CSMD1: variants seen among roughly 807,000 people sequenced by gnomAD.
The protein encoded by CSMD1 is CUB and sushi domain-containing protein 1.
A neutral mutation model predicts 417.5 loss-of-function variants in CSMD1; 213 were observed. The ratio of observed to expected loss-of-function variants is 0.51; its 90% CI spans 0.46 to 0.57. The LOEUF (loss-of-function observed/expected upper bound fraction) is 0.57, where lower values mean the gene tolerates loss of function less well. Ranked by LOEUF, CSMD1 falls within the 20% of genes least tolerant of loss-of-function variation. The pLI, the probability that CSMD1 is intolerant of heterozygous loss-of-function variation, is 0.00. For missense variants in CSMD1, 6,923 were observed against 4,529.7 expected (o/e 1.53, Z -15.17); for synonymous variants, 2,862 against 1,736.8 (o/e 1.65, Z -16.11).
In CSMD1 at chr8:3,836,945, G is replaced by A. The variant is rs1214264622; in HGVS notation, c.819-82903C>T. ...AGTTAAATCTCAATGCACTAAAGTTGGCAAAAATAAAAAGTTTTATAAAAG... is the reference window on the plus strand; with the variant it reads ...AGTTAAATCTCAATGCACTAAAGTTAGCAAAAATAAAAAGTTTTATAAAAG... On this transcript the variant is annotated intron_variant, in intron 5 of 69. Transcript: ENST00000635120. Among the ~76,000 whole-genome samples, 4 of 150,440 alleles carry A rather than the reference G, an allele frequency of 2.7e-5. No homozygotes were observed. In the East Asian group the frequency reaches 7.8e-4, roughly 29 times the overall value.
At chr8:4,274,399 C>T (rs141275143) in intron 3 of CSMD1, among the ~76,000 whole-genome samples, 74 of 152,208 alleles carry the variant, frequency 4.9e-4, no homozygotes, top group African/African-American at 1.7e-3. Flanking sequence ...ACACTATCAA[C>T]GTGCTCAAAA....
chr8:4,917,066 C>T (rs977982539), intron 1 of CSMD1, among the ~76,000 whole-genome samples: 4 of 152,062 alleles, frequency 2.6e-5, no homozygotes, highest in African/African-American at 4.8e-5. Flanking sequence ...GGCTCAGGTT[C>T]GGTAGACTAT....
intron 3 of CSMD1, among the ~76,000 whole-genome samples, chr8:4,319,105 CAAAGT>C (rs763879946): frequency 4.6e-5 from 7 of 152,000 alleles, no homozygotes; most frequent in Non-Finnish European, 8.8e-5. Flanking sequence ...CACATAGTAA[CAAAGT>C]AAGGAGGATT....
chr8:4,868,843 T>C (rs1284076750), intron 1 of CSMD1, among the ~76,000 whole-genome samples: 2 of 151,808 alleles, frequency 1.3e-5, no homozygotes, highest in African/African-American at 2.4e-5. Flanking sequence ...AAAATAGAAA[T>C]TGATAACCAA....
Position 4,730,744 on chromosome 8 carries a change from A to C in CSMD1, c.86-93186T>G, listed in dbSNP as rs74806894. 9.8e-3 allele frequency among the ~76,000 whole-genome samples: 1,438 copies of C among 147,166 alleles called. 36 individuals are homozygous for C. Among genetic ancestry groups the C allele is most frequent in the East Asian group, 0.084 (435 of 5,158 alleles). ...CGACAGAGCGAGACTCCATTTCAAA[A>C]AAACAAATAAAAAAAAAAAGAATAA... is the stretch of plus-strand genomic sequence containing the variant. On this transcript the variant is annotated intron_variant, in intron 1 of 69. Transcript: ENST00000635120.
chr8:3,858,207 A>T (rs928671666), intron 5 of CSMD1, among the ~76,000 whole-genome samples: 5 of 152,218 alleles, frequency 3.3e-5, no homozygotes, highest in African/African-American at 1.2e-4. Flanking sequence ...CATTCTTTAA[A>T]ATCATAATTC....
intron 2 of CSMD1, among the ~76,000 whole-genome samples, chr8:4,623,049 A>G (rs1047855244): frequency 6.6e-6 from 1 of 152,204 alleles, no homozygotes; most frequent in Non-Finnish European, 1.5e-5. Context: ...AATATATACC[A>G]TTAAAAGGAT....
At chr8:4,978,504 C>T (rs774676259) in intron 1 of CSMD1, among the ~76,000 whole-genome samples, 1 of 152,130 alleles carries the variant, frequency 6.6e-6, no homozygotes, top group Non-Finnish European at 1.5e-5. Context: ...CGCTCCTCAC[C>T]TTGAAAAAGC....
intron 2 of CSMD1, among the ~76,000 whole-genome samples, chr8:4,464,111 G>T (rs937314474): frequency 6.6e-6 from 1 of 151,860 alleles, no homozygotes; most frequent in Non-Finnish European, 1.5e-5. Context: ...GAATGAGATA[G>T]AGCTCAGAAC....
intron 1 of CSMD1, among the ~76,000 whole-genome samples, chr8:4,674,888 G>T (rs184950700): frequency 7.9e-5 from 12 of 152,144 alleles, no homozygotes; most frequent in African/African-American, 2.9e-4. Context: ...AGAAGGTGGA[G>T]ACTCTCATGA....
chr8:4,056,159 C>A (rs921669820), intron 3 of CSMD1, among the ~76,000 whole-genome samples: 8 of 143,210 alleles, frequency 5.6e-5, no homozygotes, highest in African/African-American at 2.0e-4. Flanking sequence ...TTGGCTTACT[C>A]CAACCTCTGC....
At chr8:4,915,616 T>C (rs1014286278) in intron 1 of CSMD1, among the ~76,000 whole-genome samples, 1 of 152,198 alleles carries the variant, frequency 6.6e-6, no homozygotes, top group African/African-American at 2.4e-5. Flanking sequence ...CCGATTGAAC[T>C]CTGGGCTAGC....
intron 2 of CSMD1, among the ~76,000 whole-genome samples, chr8:4,550,738 A>T (rs1015477002): frequency 3.3e-5 from 5 of 152,134 alleles, no homozygotes; most frequent in African/African-American, 1.2e-4. Context: ...TTTAAAATCA[A>T]TCTTAACAAC....
chr8:3,986,061 G>A (rs952799017), intron 5 of CSMD1, among the ~76,000 whole-genome samples: 1 of 151,740 alleles, frequency 6.6e-6, no homozygotes, highest in Non-Finnish European at 1.5e-5. Context: ...TTCATTATAT[G>A]AAGACCCCAT....
chr8:3,222,815 C>G lies in CSMD1; in HGVS notation c.4484+914G>C, dbSNP rs911416460. ...AATTCAGGAAAAGATGACTATCAAC[C>G]AACTTAAGATTCAGAATCATAGAAA... is the stretch of plus-strand genomic sequence containing the variant. On this transcript the variant is annotated intron_variant, in intron 28 of 69. Coordinates refer to ENST00000635120, the MANE Select transcript of CSMD1 (RefSeq NM_033225.6). Among the ~76,000 whole-genome samples the G allele has an allele frequency of 7.2e-5, 11 of 152,112 alleles. No homozygotes were observed. The East Asian group carries it at 1.9e-3, about 27-fold the overall frequency.
chr8:3,953,740 C>T lies in CSMD1; in HGVS notation c.818+44163G>A, dbSNP rs560711667. On this transcript the variant is annotated intron_variant, in intron 5 of 69. Transcript: ENST00000635120. ...CTCAGGAGAAGCTTCCCCCACAGAG[C>T]CCCTGAGCTGCTCCACGTGACAGCT... 6.6e-5 allele frequency among the ~76,000 whole-genome samples: 10 copies of T among 152,198 alleles called. No individual in the cohort carries two copies. The East Asian group carries it at 1.6e-3, about 24-fold the overall frequency.
intron 25 of CSMD1, among the ~76,000 whole-genome samples, chr8:3,305,722 C>G (rs1380421232): frequency 1.3e-5 from 2 of 152,158 alleles, no homozygotes; most frequent in Non-Finnish European, 2.9e-5. Flanking sequence ...CACTGTTGCC[C>G]AGGTTGGAGT....
At chr8:4,163,464 G>T (rs1303978720) in intron 3 of CSMD1, among the ~76,000 whole-genome samples, 1 of 152,138 alleles carries the variant, frequency 6.6e-6, no homozygotes, top group African/African-American at 2.4e-5. Context: ...TTTAATGTGT[G>T]AGTTACTTTT....
At chr8:3,146,622 G>C (rs1406109434) in intron 40 of CSMD1, among the ~76,000 whole-genome samples, 2 of 152,162 alleles carry the variant, frequency 1.3e-5, no homozygotes, top group African/African-American at 4.8e-5. Context: ...AACTGCCTCA[G>C]TTCTTTTGGC....
Sources: gnomAD v4.1 joint callset for allele counts (sites outside exome capture counted in the v4.1 genomes callset) on GRCh38, gnomAD v4.1.1 for gene constraint, MANE v1.5 for transcripts, NCBI Gene and HGNC (gene_info 2026-07-23, HGNC 2026-07-21) for gene names.